DSTYK: variants seen among roughly 807,000 people sequenced by gnomAD.
DSTYK encodes RIP-homologous kinase.
A neutral mutation model predicts 98.7 loss-of-function variants in DSTYK; 34 were observed. The observed-to-expected ratio is 0.34, with a 90% CI of 0.26 to 0.46. The LOEUF is 0.46. Ranked by LOEUF, DSTYK falls within the 20% of genes least tolerant of loss-of-function variation. The probability of loss-of-function intolerance (pLI) is 1.00; values close to 1 mark genes in which losing one functional copy is unlikely to be tolerated. For missense variants in DSTYK, 962 were observed against 1,181.7 expected (o/e 0.81, Z 2.73); for synonymous variants, 462 against 457.3 (o/e 1.01, Z -0.13).
intron 2 of DSTYK, among the ~76,000 whole-genome samples, chr1:205,171,405 C>T (rs1322382524): frequency 6.7e-6 from 1 of 149,342 alleles, no homozygotes; most frequent in East Asian, 2.0e-4. Flanking sequence ...GAGCTGAGAT[C>T]GCCCCACTGC....
chr1:205,198,605 A>T (rs1265866507), intron 1 of DSTYK, among the ~76,000 whole-genome samples: 1 of 152,200 alleles, frequency 6.6e-6, no homozygotes, highest in Non-Finnish European at 1.5e-5. Context: ...ATACTGGTTC[A>T]TTCTCACTGT....
At chr1:205,192,821 C>T (rs6593930) in intron 1 of DSTYK, among the ~76,000 whole-genome samples, 46,072 of 151,986 alleles carry the variant, frequency 0.3, 7,449 homozygotes, top group South Asian at 0.42. Flanking sequence ...GAGATAACGC[C>T]ATTGCACTCC....
intron 2 of DSTYK, among the ~76,000 whole-genome samples, chr1:205,177,950 T>C (rs978204828): frequency 6.6e-6 from 1 of 152,034 alleles, no homozygotes; most frequent in Non-Finnish European, 1.5e-5. Context: ...AAACAGGCTA[T>C]AACATGTTTC....
chr1:205,207,784 A>G (rs1382572434), intron 1 of DSTYK, among the ~76,000 whole-genome samples: 1 of 144,726 alleles, frequency 6.9e-6, no homozygotes, highest in Non-Finnish European at 1.5e-5. Flanking sequence ...AAAAAAAAAA[A>G]AAAAAAAAAG....
At chr1:205,147,838 G>A in intron 12 of DSTYK, 93 bp from the exon 13 acceptor site, 2 of 1,301,468 alleles carry the variant, frequency 1.5e-6, no homozygotes, top group Admixed American at 4.1e-5. Flanking sequence ...TCCCAGTGGG[G>A]CTCAGAATAC....
In DSTYK at chr1:205,150,849, G is replaced by T; in HGVS notation, c.2353-55C>A. ...TGTTTCTGATCCTGCACACAGCACT[G>T]CTGCGTACCTAAGCTCAAAGGTAGG... On this transcript the variant is annotated intron_variant, in intron 10 of 12. Coordinates refer to ENST00000367162, the MANE Select transcript of DSTYK (RefSeq NM_015375.3). The surrounding 1 kb of genome is among the most constrained non-coding windows in gnomAD (Gnocchi z 4.1). 1 of 1,388,330 alleles carries T rather than the reference G, an allele frequency of 7.2e-7. No homozygotes were observed. The highest frequency in any genetic ancestry group is 1.0e-6 in the Non-Finnish European group (1 of 975,646). 86.0% of individuals were successfully genotyped at this position (1,388,330 alleles called of 1,614,324 possible).
chr1:205,158,931 C>T (rs10751431), intron 9 of DSTYK, among the ~76,000 whole-genome samples: 76,728 of 151,928 alleles, frequency 0.51, 21,799 homozygotes, highest in Non-Finnish European at 0.64. Context: ...CTTTATCCTC[C>T]TACAGCAAAA....
intron 2 of DSTYK, among the ~76,000 whole-genome samples, chr1:205,176,476 T>TAAAAAAAAAAAAAAAAAAAAAAA (rs61291677): frequency 2.3e-5 from 1 of 43,204 alleles, no homozygotes; most frequent in Non-Finnish European, 4.5e-5. Flanking sequence ...AACTCCCTCT[T>TAAAAAAAAAAAAAAAAAAAAAAA]AAAAAAAAAA....
intron 2 of DSTYK, among the ~76,000 whole-genome samples, chr1:205,174,358 C>G (rs1006459215): frequency 2.0e-5 from 3 of 151,874 alleles, no homozygotes; most frequent in African/African-American, 7.3e-5. Flanking sequence ...ACTAAAAATA[C>G]AAAAATTAGC....
chr1:205,183,144 C>T (rs1467296647), intron 2 of DSTYK, among the ~76,000 whole-genome samples: 1 of 150,768 alleles, frequency 6.6e-6, no homozygotes, highest in Non-Finnish European at 1.5e-5. Context: ...GACAACTGTT[C>T]CATCAGATTT....
intron 1 of DSTYK, among the ~76,000 whole-genome samples, chr1:205,207,331 G>A (rs951747700): frequency 1.8e-4 from 27 of 151,258 alleles, no homozygotes; most frequent in African/African-American, 2.9e-4. Flanking sequence ...CACCTGCCTC[G>A]GCCTCCCAAA....
intron 7 of DSTYK, 125 bp from the exon 8 acceptor site, chr1:205,160,395 G>T: frequency 1.1e-6 from 1 of 871,912 alleles, no homozygotes; most frequent in Non-Finnish European, 1.8e-6. Context: ...GAGTGCAGTG[G>T]CATGATCTCT....
At chr1:205,175,112 T>A (rs968509536) in intron 2 of DSTYK, among the ~76,000 whole-genome samples, 1 of 149,824 alleles carries the variant, frequency 6.7e-6, no homozygotes, top group African/African-American at 2.5e-5. Context: ...CTTTTTTTTT[T>A]TTTTTCTGAG....
Position 205,188,806 on chromosome 1 carries a change from T to C in DSTYK, c.266-1000A>G, listed in dbSNP as rs941499597. 3.3e-5 allele frequency among the ~76,000 whole-genome samples: 5 copies of C among 152,214 alleles called. No individual in the cohort carries two copies. In the South Asian group the frequency reaches 1.0e-3, roughly 31 times the overall value. On this transcript the variant is annotated intron_variant, in intron 1 of 12. Coordinates refer to ENST00000367162, the MANE Select transcript of DSTYK (RefSeq NM_015375.3). ...TGACAACGTCCCAGCTGCCAAGTCA[T>C]CTGTTTCCTTAAAACACTGGGTGCT...
chr1:205,161,379 A>C lies in DSTYK; in HGVS notation c.1827T>G (p.Ala609=). 6.2e-7 allele frequency: 1 copy of C among 1,614,160 alleles called. No individual in the cohort carries two copies. Among genetic ancestry groups the C allele is most frequent in the Non-Finnish European group, 8.5e-7 (1 of 1,179,990 alleles). The part of the protein sequence containing the change: ...AFAASLRQLE[A]GHSGRLEKTE... ...TTTTCTCTAACCGGCCTGAGTGGCCAGCTTCCAGCTGGGAGAGAAACAGAA... is the reference window on the plus strand; with the variant it reads ...TTTTCTCTAACCGGCCTGAGTGGCCCGCTTCCAGCTGGGAGAGAAACAGAA... The change falls in exon 7 of 13, where the codon GCT becomes GCG. Residue 609 remains alanine (A), a synonymous_variant. Transcript: ENST00000367162.
At chr1:205,149,630 C>A (rs565345336) in intron 11 of DSTYK, among the ~76,000 whole-genome samples, 85 of 152,280 alleles carry the variant, frequency 5.6e-4, no homozygotes, top group African/African-American at 2.0e-3. Flanking sequence ...CCATAGAAGA[C>A]CAGCTATCTA....
intron 1 of DSTYK, among the ~76,000 whole-genome samples, chr1:205,194,530 T>C (rs1658804347): frequency 7.0e-6 from 1 of 143,658 alleles, no homozygotes. Flanking sequence ...CCTTCAGTAG[T>C]TTTAAAAATC....
At position 205,169,147 on chromosome 1, in the gene DSTYK, G is replaced by A. The variant is rs755109656; in HGVS notation, c.1324+16C>T. On this transcript the variant is annotated intron_variant, in intron 3 of 12. Transcript: ENST00000367162. The surrounding 1 kb of genome is among the most constrained non-coding windows in gnomAD (Gnocchi z 4.0). ...TCCTCCCGTGCCAGCACCCCAACAA[G>A]CTCTCTGGGACCTACCTTTAAACTC... 3 of 1,554,884 alleles carry A rather than the reference G, an allele frequency of 1.9e-6. No homozygotes were observed. The highest frequency in any genetic ancestry group is 4.5e-5 in the East Asian group (2 of 44,464).
At chr1:205,205,389 T>C (rs1659168716) in intron 1 of DSTYK, among the ~76,000 whole-genome samples, 1 of 152,174 alleles carries the variant, frequency 6.6e-6, no homozygotes, top group Non-Finnish European at 1.5e-5. Flanking sequence ...CACTTAAACT[T>C]ACTTATCATA....
Sources: gnomAD v4.1 joint callset for allele counts (sites outside exome capture counted in the v4.1 genomes callset) on GRCh38, gnomAD v4.1.1 for gene constraint, Gnocchi (gnomAD v3.1) non-coding constraint, MANE v1.5 for transcripts, NCBI Gene and HGNC (gene_info 2026-07-23, HGNC 2026-07-21) for gene names.